The following QTMAN variants were observed in gnomAD, a reference collection of about 807,000 sequenced individuals.
QTMAN encodes queuosine-tRNA mannosyltransferase.
chr2:144,119,180 G>A, the QTMAN span, among the ~76,000 whole-genome samples: 3 of 152,182 alleles, frequency 2.0e-5, no homozygotes, highest in Non-Finnish European at 4.4e-5. Context: ...TTAATTCCCA[G>A]AGTTCATTTG....
At chr2:144,081,605 T>C in the QTMAN span, among the ~76,000 whole-genome samples, 2 of 151,554 alleles carry the variant, frequency 1.3e-5, no homozygotes, top group Non-Finnish European at 2.9e-5. Context: ...TAATAAACCT[T>C]GAAGGAAAAG....
At chr2:143,968,902 C>G in the QTMAN span, among the ~76,000 whole-genome samples, 2 of 152,194 alleles carry the variant, frequency 1.3e-5, no homozygotes, top group African/African-American at 2.4e-5. Context: ...GTGATTCTGT[C>G]TACATATCGT....
chr2:144,281,015 G>A, the QTMAN span, among the ~76,000 whole-genome samples: 14 of 150,800 alleles, frequency 9.3e-5, no homozygotes, highest in East Asian at 1.6e-3. Context: ...CCATTAACTC[G>A]TCATTTAGCA....
chr2:144,284,913 C>G, the QTMAN span, among the ~76,000 whole-genome samples: 2 of 151,022 alleles, frequency 1.3e-5, no homozygotes, highest in Admixed American at 1.3e-4. Flanking sequence ...CCTATAATCC[C>G]GGCACTTTGG....
the QTMAN span, among the ~76,000 whole-genome samples, chr2:144,143,842 A>G: frequency 6.6e-6 from 1 of 151,928 alleles, no homozygotes; most frequent in Non-Finnish European, 1.5e-5. Flanking sequence ...AGTCATCTTT[A>G]AAGTCCTTAA....
At chr2:144,260,075 A>C in the QTMAN span, among the ~76,000 whole-genome samples, 1 of 152,186 alleles carries the variant, frequency 6.6e-6, no homozygotes, top group Non-Finnish European at 1.5e-5. Flanking sequence ...ATGAGATAAT[A>C]TGTAGTTAAC....
chr2:144,253,203 T>A, the QTMAN span, among the ~76,000 whole-genome samples: 1 of 152,182 alleles, frequency 6.6e-6, no homozygotes, highest in Non-Finnish European at 1.5e-5. Flanking sequence ...CCTTCCGCCA[T>A]AATGGTTCTC....
the QTMAN span, among the ~76,000 whole-genome samples, chr2:144,133,084 A>T: frequency 9.1e-6 from 1 of 109,854 alleles, no homozygotes; most frequent in East Asian, 2.5e-4. Context: ...TACATCTTTT[A>T]ATACAGCATT....
At chr2:143,950,433 G>A in the QTMAN span, among the ~76,000 whole-genome samples, 2 of 151,536 alleles carry the variant, frequency 1.3e-5, no homozygotes, top group African/African-American at 4.8e-5. Context: ...GCAACTTTTT[G>A]CAGTGACTTT....
the QTMAN span, among the ~76,000 whole-genome samples, chr2:144,019,102 C>A: frequency 6.6e-6 from 1 of 151,968 alleles, no homozygotes; most frequent in Non-Finnish European, 1.5e-5. Flanking sequence ...AAGATGAGGC[C>A]TGAAAAATAA....
At chr2:144,323,546 G>A in the QTMAN span, among the ~76,000 whole-genome samples, 1 of 152,134 alleles carries the variant, frequency 6.6e-6, no homozygotes, top group African/African-American at 2.4e-5. Context: ...AAGGCAAAAA[G>A]TTAGCGTTAC....
chr2:144,182,026 A>C, the QTMAN span, among the ~76,000 whole-genome samples: 1 of 152,146 alleles, frequency 6.6e-6, no homozygotes, highest in African/African-American at 2.4e-5. Flanking sequence ...GCAACAACCC[A>C]AAAGTGCCAA....
chr2:144,069,283 A>C, the QTMAN span, among the ~76,000 whole-genome samples: 102 of 146,562 alleles, frequency 7.0e-4, no homozygotes, highest in African/African-American at 2.6e-3. Flanking sequence ...GGTCAGTCTT[A>C]TGGGAATCTT....
the QTMAN span, among the ~76,000 whole-genome samples, chr2:144,031,765 CTTT>C: frequency 1.3e-5 from 2 of 151,954 alleles, no homozygotes; most frequent in Non-Finnish European, 2.9e-5. Context: ...TCTTCTTCTT[CTTT>C]TTTTCTTGAG....
the QTMAN span, among the ~76,000 whole-genome samples, chr2:144,164,886 C>A: frequency 5.3e-5 from 8 of 152,148 alleles, no homozygotes; most frequent in Admixed American, 5.2e-4. Context: ...ACTACAGTGT[C>A]CTGTATACAC....
the QTMAN span, among the ~76,000 whole-genome samples, chr2:144,173,098 T>C: frequency 6.6e-6 from 1 of 152,156 alleles, no homozygotes; most frequent in Non-Finnish European, 1.5e-5. Flanking sequence ...CCTTAAAATG[T>C]TTCCTAAGAG....
chr2:144,025,495 T>C, the QTMAN span, among the ~76,000 whole-genome samples: 1 of 152,212 alleles, frequency 6.6e-6, no homozygotes, highest in African/African-American at 2.4e-5. Context: ...CTGATGTGTT[T>C]TCCTGTGGGC....
At chr2:144,270,271 G>C in the QTMAN span, among the ~76,000 whole-genome samples, 1 of 152,120 alleles carries the variant, frequency 6.6e-6, no homozygotes, top group Non-Finnish European at 1.5e-5. Context: ...TCTAGAACCA[G>C]AAATACCATT....
At chr2:144,228,347 T>C in the QTMAN span, among the ~76,000 whole-genome samples, 1 of 152,204 alleles carries the variant, frequency 6.6e-6, no homozygotes, top group South Asian at 2.1e-4. Context: ...ATGTACACTT[T>C]TACAATTTTC....
Sources: allele counts gnomAD v4.1 joint callset (sites outside exome capture counted in the v4.1 genomes callset), GRCh38; gene constraint gnomAD v4.1.1; transcripts MANE v1.5; gene names NCBI Gene and HGNC (gene_info 2026-07-23, HGNC 2026-07-21).